ASTN1: variants seen among roughly 807,000 people sequenced by gnomAD.
The protein encoded by ASTN1 is astrotactin-1.
Under a neutral mutation model 140.7 loss-of-function variants are expected in ASTN1, and 41 were observed. The observed-to-expected ratio is 0.29, with a 90% CI of 0.23 to 0.38. The LOEUF (loss-of-function observed/expected upper bound fraction) is 0.38. Ranked by LOEUF, ASTN1 falls within the 10% of genes least tolerant of loss-of-function variation. The pLI is 1.00. For synonymous variants in ASTN1, 640 were observed against 652.2 expected, an observed-to-expected ratio of 0.98 and a Z score of 0.29; for missense variants, 1,479 against 1,678.8, an observed-to-expected ratio of 0.88 and a Z score of 2.08.
chr1:177,085,380 AT>A (rs1287629550), intron 1 of ASTN1, among the ~76,000 whole-genome samples: 1 of 152,170 alleles, frequency 6.6e-6, no homozygotes, highest in Non-Finnish European at 1.5e-5. Flanking sequence ...GAGCATTTTT[AT>A]TTTAAACCTG....
intron 8 of ASTN1, among the ~76,000 whole-genome samples, chr1:177,004,114 C>T (rs1017058029): frequency 6.6e-6 from 1 of 152,028 alleles, no homozygotes; most frequent in Admixed American, 6.5e-5. Context: ...ATTTGATAAA[C>T]GAATTCAGTA....
intron 1 of ASTN1, among the ~76,000 whole-genome samples, chr1:177,095,774 C>T (rs1679999239): frequency 6.6e-6 from 1 of 152,136 alleles, no homozygotes; most frequent in Admixed American, 6.5e-5. Context: ...CCTAGTGGAG[C>T]TATGGGGCAG....
chr1:176,928,439 G>A (rs1374057541), intron 16 of ASTN1, among the ~76,000 whole-genome samples: 3 of 152,204 alleles, frequency 2.0e-5, no homozygotes, highest in Admixed American at 6.5e-5. Context: ...AGTTATGCAG[G>A]GAAATGACAA....
chr1:176,928,628 T>C (rs1237523313), intron 16 of ASTN1, among the ~76,000 whole-genome samples: 1 of 152,128 alleles, frequency 6.6e-6, no homozygotes, highest in Non-Finnish European at 1.5e-5. Flanking sequence ...TTAGATAGAT[T>C]GAGAATCACA....
chr1:177,057,657 C>G (rs1677876470), intron 2 of ASTN1, among the ~76,000 whole-genome samples: 1 of 152,160 alleles, frequency 6.6e-6, no homozygotes, highest in Non-Finnish European at 1.5e-5. Context: ...TATCTTTTCT[C>G]TTTTTCCAAT....
intron 1 of ASTN1, among the ~76,000 whole-genome samples, chr1:177,096,168 C>T (rs1680016656): frequency 6.6e-6 from 1 of 152,178 alleles, no homozygotes. Flanking sequence ...TTTGATTTCA[C>T]AGGTTCACAG....
At chr1:177,032,906 G>C (rs1289860160) in intron 2 of ASTN1, 57 bp from the exon 3 acceptor site, 21 of 1,495,494 alleles carry the variant, frequency 1.4e-5, no homozygotes, top group Non-Finnish European at 1.5e-5. Flanking sequence ...TTCCCACAAA[G>C]AGTCACTGCT....
At chr1:177,095,057 T>C (rs1004098462) in intron 1 of ASTN1, among the ~76,000 whole-genome samples, 1 of 152,206 alleles carries the variant, frequency 6.6e-6, no homozygotes, top group African/African-American at 2.4e-5. Context: ...CAGTATTTTG[T>C]AGAAGGTAGA....
intron 1 of ASTN1, among the ~76,000 whole-genome samples, chr1:177,071,922 T>C (rs1168306966): frequency 1.3e-5 from 2 of 152,302 alleles, no homozygotes; most frequent in African/African-American, 4.8e-5. Flanking sequence ...TACCTTATTA[T>C]CATCCCTGTG....
chr1:177,096,918 T>C (rs954623327), intron 1 of ASTN1, among the ~76,000 whole-genome samples: 5 of 152,170 alleles, frequency 3.3e-5, no homozygotes, highest in Non-Finnish European at 7.3e-5. Flanking sequence ...TTTTCCGTCA[T>C]GTGAAGACAC....
chr1:177,071,383 G>A (rs1031596557), intron 1 of ASTN1, among the ~76,000 whole-genome samples: 2 of 152,182 alleles, frequency 1.3e-5, no homozygotes, highest in African/African-American at 4.8e-5. Context: ...AAGAGGGAAG[G>A]AGCAAATGGA....
In ASTN1 at chr1:176,863,908, A is replaced by G; in HGVS notation, c.*376T>C. 9.7e-7 allele frequency: 1 copy of G among 1,033,108 alleles called. No individual in the cohort carries two copies. The highest frequency in any genetic ancestry group is 3.6e-5 in the South Asian group (1 of 27,918). 64.0% of individuals were successfully genotyped at this position (1,033,108 alleles called of 1,614,324 possible). ...GCTCCCAGTTGCAATGGATTTAGGA[A>G]CTGAGTGAGCACAGGGTGCCTACTT... On this transcript the variant is annotated 3_prime_UTR_variant, in exon 23 of 23. Coordinates refer to ENST00000361833, the MANE Select transcript of ASTN1 (RefSeq NM_004319.3).
At chr1:176,942,197 A>T (rs1489129069) in intron 14 of ASTN1, among the ~76,000 whole-genome samples, 1 of 152,144 alleles carries the variant, frequency 6.6e-6, no homozygotes, top group Non-Finnish European at 1.5e-5. Context: ...ACTGTTCTAA[A>T]AACTTTACAA....
intron 2 of ASTN1, among the ~76,000 whole-genome samples, chr1:177,042,239 T>C (rs552887925): frequency 3.3e-5 from 5 of 152,182 alleles, no homozygotes; most frequent in African/African-American, 1.2e-4. Context: ...GTCCCACATA[T>C]AGAGGTACAA....
At chr1:176,866,317 G>A (rs1668126548) in intron 22 of ASTN1, among the ~76,000 whole-genome samples, 1 of 152,124 alleles carries the variant, frequency 6.6e-6, no homozygotes, top group African/African-American at 2.4e-5. Context: ...AACTTCAATG[G>A]TGGGTCAGAA....
At chr1:176,913,572 T>C (rs1557955238) in intron 16 of ASTN1, among the ~76,000 whole-genome samples, 1 of 152,264 alleles carries the variant, frequency 6.6e-6, no homozygotes, top group Non-Finnish European at 1.5e-5. Context: ...TTTGCATGTA[T>C]TCTGTCAAAT....
chr1:177,111,959 A>G (rs1680842470), intron 1 of ASTN1, among the ~76,000 whole-genome samples: 2 of 152,144 alleles, frequency 1.3e-5, no homozygotes, highest in Non-Finnish European at 2.9e-5. Flanking sequence ...TGTTTGGTGC[A>G]AAGTTGTTCT....
intron 1 of ASTN1, among the ~76,000 whole-genome samples, chr1:177,145,156 G>T (rs1028766599): frequency 1.3e-5 from 2 of 152,138 alleles, no homozygotes; most frequent in African/African-American, 4.8e-5. Context: ...TTTCAGCTCC[G>T]TTCCTCTGGA....
At chr1:177,029,585 C>T (rs749035593) in intron 5 of ASTN1, 49 bp downstream of exon 5, 1 of 1,575,336 alleles carries the variant, frequency 6.3e-7, no homozygotes, top group Non-Finnish European at 8.7e-7. Flanking sequence ...CCCCCGCCTC[C>T]CTCACTCCCA....
Sources: allele counts gnomAD v4.1 joint callset (sites outside exome capture counted in the v4.1 genomes callset), GRCh38; gene constraint gnomAD v4.1.1; transcripts MANE v1.5; gene names NCBI Gene and HGNC (gene_info 2026-07-23, HGNC 2026-07-21).